FNDC3B: variants seen among roughly 807,000 people sequenced by gnomAD.
The protein encoded by FNDC3B is fibronectin type III domain-containing protein 3B.
Under a neutral mutation model 151.5 loss-of-function variants are expected in FNDC3B, and 12 were observed. The observed-to-expected ratio is 0.08, with a 90% CI of 0.05 to 0.13. The LOEUF is 0.13. FNDC3B is among the 10% of genes least tolerant of loss of function. The pLI is 1.00. For missense variants in FNDC3B, 1,214 were observed against 1,505.3 expected (o/e 0.81, Z 3.20); for synonymous variants, 528 against 549.0 (o/e 0.96, Z 0.54).
At position 172,362,759 on chromosome 3, in the gene FNDC3B, G is replaced by A. The variant is rs1734427246; in HGVS notation, c.2922G>A (p.Leu974=). 1 of 1,614,002 alleles carries A rather than the reference G, an allele frequency of 6.2e-7. No homozygotes were observed. Among genetic ancestry groups the A allele is most frequent in the South Asian group, 1.1e-5 (1 of 91,082 alleles). ...GTGCTGCTGCTGGTCCTCAGAGCCT[G>A]AAGCTAAAATGGGGAGACAGTAACT... ...LECAAAGPQS[L]KLKWGDSNSK... is the part of the protein sequence containing the mutation. The change falls in exon 23 of 26, where the codon CTG becomes CTA. Residue 974 remains leucine, a synonymous_variant. Coordinates refer to ENST00000415807, the MANE Select transcript of FNDC3B (RefSeq NM_022763.4).
intron 1 of FNDC3B, among the ~76,000 whole-genome samples, chr3:172,065,443 T>C (rs2108478117): frequency 6.6e-6 from 1 of 152,320 alleles, no homozygotes; most frequent in South Asian, 2.1e-4. Context: ...TAGTGAAACT[T>C]GAAGTCCTAC....
chr3:172,400,202 T>C lies in FNDC3B; in HGVS notation c.*2727T>C, dbSNP rs1216326456. 6.6e-6 allele frequency: 1 copy of C among 152,252 alleles called. No homozygotes were observed. Among genetic ancestry groups the C allele is most frequent in the East Asian group, 1.9e-4 (1 of 5,202 alleles). 9.4% of individuals were successfully genotyped at this position (152,252 alleles called of 1,614,324 possible). On this transcript the variant is annotated 3_prime_UTR_variant, in exon 26 of 26. Transcript: ENST00000415807. ...TGATGCTCTGACTCTTCTCTGTATG[T>C]CAAACTCATCCCTGGCACAAGAAAT...
chr3:172,078,012 C>G (rs901016273), intron 1 of FNDC3B, among the ~76,000 whole-genome samples: 3 of 151,990 alleles, frequency 2.0e-5, no homozygotes, highest in Admixed American at 2.0e-4. Flanking sequence ...GATGGAGTCT[C>G]CCTCTGTCAT....
At chr3:172,224,236 T>A (rs528340495) in intron 3 of FNDC3B, among the ~76,000 whole-genome samples, 1 of 152,366 alleles carries the variant, frequency 6.6e-6, no homozygotes, top group South Asian at 2.1e-4. Flanking sequence ...TCAAAAATGC[T>A]GAGGCTGACA....
intron 8 of FNDC3B, among the ~76,000 whole-genome samples, chr3:172,297,800 T>C (rs967225370): frequency 7.2e-5 from 11 of 152,308 alleles, no homozygotes; most frequent in African/African-American, 2.4e-4. Context: ...TTATATGTAA[T>C]GGTCCCTTAC....
At chr3:172,144,498 A>G (rs1576905379) in intron 3 of FNDC3B, among the ~76,000 whole-genome samples, 1 of 152,228 alleles carries the variant, frequency 6.6e-6, no homozygotes, top group Admixed American at 6.5e-5. Flanking sequence ...ATGTGGAAGG[A>G]GAAGCAGATA....
intron 11 of FNDC3B, among the ~76,000 whole-genome samples, chr3:172,319,523 C>T (rs1406838112): frequency 6.6e-6 from 1 of 152,176 alleles, no homozygotes; most frequent in African/African-American, 2.4e-5. Flanking sequence ...AAATGCCTCC[C>T]TGTTTATTTG....
chr3:172,071,464 G>T (rs2108487128), intron 1 of FNDC3B, among the ~76,000 whole-genome samples: 1 of 152,186 alleles, frequency 6.6e-6, no homozygotes, highest in African/African-American at 2.4e-5. Context: ...CACCTTAATG[G>T]TATGAATTTA....
chr3:172,252,520 A>T (rs62281815), intron 6 of FNDC3B, among the ~76,000 whole-genome samples: 62,838 of 151,028 alleles, frequency 0.42, 14,901 homozygotes, highest in Middle Eastern at 0.55. Context: ...TGGATTCCTT[A>T]CTGCATCTCA....
intron 7 of FNDC3B, among the ~76,000 whole-genome samples, chr3:172,292,038 G>A (rs1050941249): frequency 2.0e-5 from 3 of 152,168 alleles, no homozygotes; most frequent in East Asian, 3.8e-4. Flanking sequence ...TTGAAAGACA[G>A]CATGTCAGTT....
chr3:172,312,155 T>C lies in FNDC3B; in HGVS notation c.1254+1274T>C, dbSNP rs149674130. ...AAATGAAAACTGGATGGAATTCCCATGATGAAATTTTGATGTGAAAGAGAG... is the reference window on the plus strand; with the variant it reads ...AAATGAAAACTGGATGGAATTCCCACGATGAAATTTTGATGTGAAAGAGAG... On this transcript the variant is annotated intron_variant, in intron 11 of 25. Transcript: ENST00000415807. Among the ~76,000 whole-genome samples, 79 of 152,288 alleles carry C rather than the reference T, an allele frequency of 5.2e-4. No individual in the cohort carries two copies. In the East Asian group the frequency reaches 0.014, roughly 26 times the overall value.
intron 23 of FNDC3B, among the ~76,000 whole-genome samples, chr3:172,364,162 A>G (rs1734494550): frequency 6.6e-6 from 1 of 152,200 alleles, no homozygotes; most frequent in South Asian, 2.1e-4. Context: ...TTATTGTGCT[A>G]TATGTGCCTT....
At chr3:172,141,199 G>A (rs1358707326) in intron 3 of FNDC3B, among the ~76,000 whole-genome samples, 1 of 152,040 alleles carries the variant, frequency 6.6e-6, no homozygotes, top group African/African-American at 2.4e-5. Flanking sequence ...TTTCCTACTT[G>A]TAGAAATCAG....
At chr3:172,186,412 A>G (rs1724187448) in intron 3 of FNDC3B, among the ~76,000 whole-genome samples, 3 of 152,174 alleles carry the variant, frequency 2.0e-5, no homozygotes. Context: ...TAAAAATTTA[A>G]AGATTTATGG....
intron 3 of FNDC3B, among the ~76,000 whole-genome samples, chr3:172,176,444 A>G (rs1723597672): frequency 6.6e-6 from 1 of 152,240 alleles, no homozygotes; most frequent in Non-Finnish European, 1.5e-5. Flanking sequence ...CTTTGGATTC[A>G]TAAAGTATTT....
At chr3:172,088,506 C>G (rs755137877) in intron 1 of FNDC3B, among the ~76,000 whole-genome samples, 1 of 152,314 alleles carries the variant, frequency 6.6e-6, no homozygotes, top group East Asian at 1.9e-4. Context: ...GCCCATACAT[C>G]AAATCACACA....
chr3:172,164,742 T>C (rs1335476974), intron 3 of FNDC3B, among the ~76,000 whole-genome samples: 3 of 152,182 alleles, frequency 2.0e-5, no homozygotes, highest in African/African-American at 7.2e-5. Context: ...CTTTTGCTGT[T>C]TTGTTTGGTT....
intron 6 of FNDC3B, among the ~76,000 whole-genome samples, chr3:172,254,479 T>C (rs1176224173): frequency 6.6e-6 from 1 of 152,216 alleles, no homozygotes; most frequent in Non-Finnish European, 1.5e-5. Context: ...GAATAGGGAC[T>C]GTATCTGTTT....
intron 1 of FNDC3B, among the ~76,000 whole-genome samples, chr3:172,064,473 A>T (rs953752613): frequency 2.0e-5 from 3 of 152,168 alleles, no homozygotes; most frequent in African/African-American, 7.2e-5. Flanking sequence ...CTCATCTTTT[A>T]TTCATCTGTA....
Sources: allele counts gnomAD v4.1 joint callset (sites outside exome capture counted in the v4.1 genomes callset), GRCh38; gene constraint gnomAD v4.1.1; transcripts MANE v1.5; gene names NCBI Gene and HGNC (gene_info 2026-07-23, HGNC 2026-07-21).